SLIT2: variants seen among roughly 807,000 people sequenced by gnomAD.
SLIT2 encodes slit homolog 2 protein.
In SLIT2, 41 loss-of-function variants were observed where a neutral mutation model predicts 185.7. That is an observed-to-expected ratio of 0.22 (90% CI 0.17 to 0.29). The LOEUF is 0.29. Ranked by LOEUF, SLIT2 falls within the 10% of genes least tolerant of loss-of-function variation. The probability of loss-of-function intolerance (pLI) is 1.00; values close to 1 mark genes in which losing one functional copy is unlikely to be tolerated. For missense variants in SLIT2, 1,571 were observed against 1,909.0 expected (o/e 0.82, Z 3.30); for synonymous variants, 693 against 680.2 (o/e 1.02, Z -0.29).
At chr4:20,333,182 G>T (rs116777330) in intron 4 of SLIT2, among the ~76,000 whole-genome samples, 7 of 152,140 alleles carry the variant, frequency 4.6e-5, no homozygotes, top group Admixed American at 6.5e-5. Context: ...GCTTTATAGC[G>T]TGCTTTTAGA....
chr4:20,373,466 A>G (rs1723758508), intron 4 of SLIT2, among the ~76,000 whole-genome samples: 1 of 152,014 alleles, frequency 6.6e-6, no homozygotes, highest in Non-Finnish European at 1.5e-5. Flanking sequence ...TTTAATGGTG[A>G]CCAATATTAT....
At chr4:20,326,940 A>G (rs1719650283) in intron 4 of SLIT2, among the ~76,000 whole-genome samples, 1 of 151,742 alleles carries the variant, frequency 6.6e-6, no homozygotes, top group Admixed American at 6.6e-5. Flanking sequence ...TGTTTGTCAT[A>G]GCAAACATTT....
chr4:20,454,534 A>G (rs997149020), intron 4 of SLIT2, among the ~76,000 whole-genome samples: 1 of 152,180 alleles, frequency 6.6e-6, no homozygotes, highest in Non-Finnish European at 1.5e-5. Flanking sequence ...ATCATTACTC[A>G]GTAGTTTCCA....
At chr4:20,584,632 T>C (rs1577971545) in intron 29 of SLIT2, among the ~76,000 whole-genome samples, 1 of 152,220 alleles carries the variant, frequency 6.6e-6, no homozygotes, top group East Asian at 1.9e-4. Flanking sequence ...GTCTGAAAAA[T>C]CATTCCCATT....
rs556060229 is a variant in SLIT2 at position 20,282,627 on chromosome 4, A to T, written c.395+13746A>T. On this transcript the variant is annotated intron_variant, in intron 4 of 36. Transcript: ENST00000504154. ...AATGTGTTGGGAAATAATGAAAGTC[A>T]TATCACCTGTGGTGGCTACAGTGTA... Among the ~76,000 whole-genome samples, 231 of 152,342 alleles carry T rather than the reference A, an allele frequency of 1.5e-3. 3 individuals are homozygous for T. Among genetic ancestry groups the T allele is most frequent in the African/African-American group, 5.3e-3 (221 of 41,596 alleles).
chr4:20,402,453 A>C (rs1330981166), intron 4 of SLIT2, among the ~76,000 whole-genome samples: 1 of 151,848 alleles, frequency 6.6e-6, no homozygotes, highest in Non-Finnish European at 1.5e-5. Context: ...GCTCTTGAAA[A>C]TTTCATGTTT....
rs143166377 is a variant in SLIT2 at position 20,337,919 on chromosome 4, G to A, written c.395+69038G>A. 5.6e-3 allele frequency among the ~76,000 whole-genome samples: 849 copies of A among 152,066 alleles called. 4 individuals carry two copies. The highest frequency in any genetic ancestry group is 0.019 in the African/African-American group (787 of 41,478). ...AAAAAAAAATGATGCCACTAAATAC[G>A]CCAGATTTTTCAGTGGAAAAAACCC... On this transcript the variant is annotated intron_variant, in intron 4 of 36. Coordinates refer to ENST00000504154, the MANE Select transcript of SLIT2 (RefSeq NM_004787.4).
chr4:20,603,038 C>T (rs1201451629), intron 33 of SLIT2, among the ~76,000 whole-genome samples: 2 of 152,050 alleles, frequency 1.3e-5, no homozygotes, highest in African/African-American at 2.4e-5. Context: ...ATTGTATTAG[C>T]CTGTTTTCAC....
At chr4:20,298,122 C>G (rs1716669219) in intron 4 of SLIT2, among the ~76,000 whole-genome samples, 1 of 148,798 alleles carries the variant, frequency 6.7e-6, no homozygotes. Flanking sequence ...GAATTTCCCT[C>G]TTGCTGCCCG....
intron 4 of SLIT2, among the ~76,000 whole-genome samples, chr4:20,441,601 A>G (rs1729760208): frequency 6.6e-6 from 1 of 151,014 alleles, no homozygotes; most frequent in Non-Finnish European, 1.5e-5. Flanking sequence ...ATACATACAT[A>G]CACACAGTAT....
At chr4:20,264,314 T>A (rs1187929860) in intron 3 of SLIT2, among the ~76,000 whole-genome samples, 1 of 151,830 alleles carries the variant, frequency 6.6e-6, no homozygotes, top group Non-Finnish European at 1.5e-5. Context: ...GCTTGATCAT[T>A]CATGTAGGAG....
chr4:20,582,065 T>A (rs764211650), intron 29 of SLIT2, among the ~76,000 whole-genome samples: 1 of 152,148 alleles, frequency 6.6e-6, no homozygotes, highest in Non-Finnish European at 1.5e-5. Context: ...CTTTTCAAAG[T>A]GCAGATGTCA....
intron 4 of SLIT2, among the ~76,000 whole-genome samples, chr4:20,299,058 A>G (rs753548711): frequency 1.4e-4 from 22 of 152,290 alleles, no homozygotes; most frequent in Non-Finnish European, 2.9e-4. Flanking sequence ...CAATTTGACA[A>G]TGTAATTTGA....
chr4:20,476,197 A>C (rs1716090105), intron 5 of SLIT2, among the ~76,000 whole-genome samples: 1 of 152,148 alleles, frequency 6.6e-6, no homozygotes, highest in South Asian at 2.1e-4. Flanking sequence ...GATTGGCATA[A>C]ATATTGATAT....
Position 20,463,475 on chromosome 4 carries a change from ATATATATATATATATATG to A in SLIT2, c.396-4275_396-4258del, listed in dbSNP as rs1447368528. On this transcript the variant is annotated intron_variant, in intron 4 of 36. Transcript: ENST00000504154. The stretch of plus-strand genomic sequence containing the variant: ...TATATATATATATATATATATATAT[ATATATATATATATATATG>A]TGTGTGTGCGTATATCCATATATGT... 7.8e-4 allele frequency among the ~76,000 whole-genome samples: 75 copies of A among 96,174 alleles called. 1 individual carries two copies. The highest frequency in any genetic ancestry group is 2.6e-3 in the African/African-American group (69 of 26,348). 63.1% of individuals were successfully genotyped at this position (96,174 alleles called of 152,430 possible).
At chr4:20,573,976 A>G (rs1725852151) in intron 29 of SLIT2, among the ~76,000 whole-genome samples, 1 of 50,798 alleles carries the variant, frequency 2.0e-5, no homozygotes. Flanking sequence ...ATTTATTGAG[A>G]TGGAGTCTCA....
intron 9 of SLIT2, among the ~76,000 whole-genome samples, chr4:20,496,715 C>G (rs1051933389): frequency 6.6e-6 from 1 of 152,124 alleles, no homozygotes; most frequent in Non-Finnish European, 1.5e-5. Flanking sequence ...CTGTTCTTAT[C>G]ACTACTGATG....
chr4:20,340,355 A>C (rs1303731180), intron 4 of SLIT2, among the ~76,000 whole-genome samples: 1 of 152,150 alleles, frequency 6.6e-6, no homozygotes, highest in Non-Finnish European at 1.5e-5. Flanking sequence ...AAAATCAAAA[A>C]TCCCTGGACA....
At chr4:20,558,249 C>G (rs189298722) in intron 26 of SLIT2, among the ~76,000 whole-genome samples, 24 of 152,094 alleles carry the variant, frequency 1.6e-4, no homozygotes, top group Non-Finnish European at 2.9e-4. Context: ...AGAGAAATAT[C>G]TGGTGAAAGG....
Sources: allele counts gnomAD v4.1 joint callset (sites outside exome capture counted in the v4.1 genomes callset), GRCh38; gene constraint gnomAD v4.1.1; transcripts MANE v1.5; gene names NCBI Gene and HGNC (gene_info 2026-07-23, HGNC 2026-07-21).